PAM: variants seen among roughly 807,000 people sequenced by gnomAD.
PAM encodes peptidylglycine alpha-amidating monooxygenase, also known as peptidyl-glycine alpha-amidating monooxygenase.
In PAM, 72 loss-of-function variants were observed where a neutral mutation model predicts 122.1. The ratio of observed to expected loss-of-function variants is 0.59; its 90% CI spans 0.49 to 0.72. PAM has a LOEUF of 0.72. Ranked by LOEUF, PAM falls within the 30% of genes least tolerant of loss-of-function variation. The pLI is 0.00. For missense variants in PAM, 1,106 were observed against 1,183.7 expected (o/e 0.93, Z 0.96); for synonymous variants, 389 against 404.4 (o/e 0.96, Z 0.46).
At chr5:102,867,433 A>C (rs1785965575) in intron 3 of PAM, 40 bp downstream of exon 3, 1 of 1,493,838 alleles carries the variant, frequency 6.7e-7, no homozygotes, top group Admixed American at 1.7e-5. Context: ...CTTGTTCTGG[A>C]TACAATCTAT....
intron 1 of PAM, among the ~76,000 whole-genome samples, chr5:102,768,065 T>TC (rs942963520): frequency 2.0e-5 from 3 of 152,150 alleles, no homozygotes; most frequent in Non-Finnish European, 2.9e-5. Context: ...AAGCACTCAG[T>TC]CTACTACTGT....
At chr5:103,022,163 T>TA (rs917712870) in intron 23 of PAM, among the ~76,000 whole-genome samples, 1 of 121,090 alleles carries the variant, frequency 8.3e-6, no homozygotes, top group African/African-American at 3.2e-5. Context: ...TTTTAAAAAA[T>TA]AAAAAAACCT....
chr5:102,965,024 A>G lies in PAM; in HGVS notation c.1162+3795A>G, dbSNP rs569772230. Among the ~76,000 whole-genome samples, 143 of 152,032 alleles carry G rather than the reference A, an allele frequency of 9.4e-4. 1 individual carries two copies. Among genetic ancestry groups the G allele is most frequent in the African/African-American group, 3.1e-3 (130 of 41,540 alleles). On this transcript the variant is annotated intron_variant, in intron 14 of 25. Transcript: ENST00000438793. ...GTCACCGTCCTTCAAAGACATTGTG[A>G]GTGAAGAATTACCTATATATGTAAT...
At chr5:102,783,914 T>G (rs1050405100) in intron 1 of PAM, among the ~76,000 whole-genome samples, 1 of 151,964 alleles carries the variant, frequency 6.6e-6, no homozygotes, top group Non-Finnish European at 1.5e-5. Flanking sequence ...TTTTTTTTTT[T>G]GAGGTGGAGT....
At chr5:102,827,980 TG>T (rs1317661572) in intron 1 of PAM, among the ~76,000 whole-genome samples, 2 of 152,208 alleles carry the variant, frequency 1.3e-5, no homozygotes, top group Non-Finnish European at 2.9e-5. Context: ...CAAATATTAA[TG>T]TAGTATAAAG....
rs750638650 is a variant in PAM, at chr5:102,949,618, G to A, written c.724+1G>A. On this transcript the variant is annotated splice_donor_variant, in intron 10 of 25. Coordinates refer to ENST00000438793, the MANE Select transcript of PAM (RefSeq NM_001177306.2). LOFTEE classifies it high-confidence loss of function. ...TATAGAGTTCACACTCACCATTTAG[G>A]TAAGAACTTTACATGTTAAATTATA... 2 of 1,321,982 alleles carry A rather than the reference G, an allele frequency of 1.5e-6. No homozygotes were observed. Among genetic ancestry groups the A allele is most frequent in the Non-Finnish European group, 2.2e-6 (2 of 915,494 alleles). The allele number at this position is 1,321,982 out of a possible 1,614,324, so 81.9% of individuals were successfully genotyped here. A position where few individuals can be genotyped will look rare whatever the true frequency, so the allele number is the denominator to read the frequency against.
intron 14 of PAM, among the ~76,000 whole-genome samples, chr5:102,970,229 A>G (rs1765401139): frequency 6.6e-6 from 1 of 152,220 alleles, no homozygotes; most frequent in Non-Finnish European, 1.5e-5. Flanking sequence ...AATATGGTAA[A>G]CACTAGGTGA....
chr5:103,005,060 CTT>C, intron 17 of PAM, 92 bp from the exon 18 acceptor site: 1 of 714,096 alleles, frequency 1.4e-6, no homozygotes, highest in South Asian at 1.6e-5. Flanking sequence ...CAATTTATAA[CTT>C]TGCATTGTCT....
intron 1 of PAM, among the ~76,000 whole-genome samples, chr5:102,790,015 AT>A (rs1761635683): frequency 6.6e-6 from 1 of 152,108 alleles, no homozygotes; most frequent in African/African-American, 2.4e-5. Context: ...ATTTGCCCAT[AT>A]TTAAAAAATA....
chr5:102,784,154 A>G lies in PAM; in HGVS notation c.-374+28806A>G, dbSNP rs570544075. On this transcript the variant is annotated intron_variant, in intron 1 of 25. Transcript: ENST00000438793. ...GTGATCCGCCCGCCTCAGACTCCCA[A>G]AGTGCTGGGATTACAGGCGTGAGCC... is the stretch of plus-strand genomic sequence containing the variant. Among the ~76,000 whole-genome samples the G allele has an allele frequency of 4.0e-5, 6 of 151,246 alleles. No homozygotes were observed. In the South Asian group the frequency reaches 1.3e-3, roughly 32 times the overall value.
At chr5:102,909,610 A>G (rs1483268582) in intron 4 of PAM, among the ~76,000 whole-genome samples, 1 of 151,796 alleles carries the variant, frequency 6.6e-6, no homozygotes, top group African/African-American at 2.4e-5. Flanking sequence ...AGATTTGACC[A>G]AGATGTTGAT....
intron 1 of PAM, among the ~76,000 whole-genome samples, chr5:102,825,722 C>A (rs1407422836): frequency 6.6e-6 from 1 of 152,132 alleles, no homozygotes; most frequent in African/African-American, 2.4e-5. Flanking sequence ...GTGGCATGTG[C>A]CTCTAGTCTA....
intron 4 of PAM, among the ~76,000 whole-genome samples, chr5:102,904,883 T>G (rs1198347750): frequency 6.6e-6 from 1 of 151,614 alleles, no homozygotes; most frequent in Non-Finnish European, 1.5e-5. Context: ...ACTTCTAAAT[T>G]TTGAGCAAAT....
At chr5:102,988,716 AAAAG>A (rs71620673) in intron 15 of PAM, among the ~76,000 whole-genome samples, 1 of 146,396 alleles carries the variant, frequency 6.8e-6, no homozygotes, top group African/African-American at 2.6e-5. Context: ...AGAAAGAAAG[AAAAG>A]AAAAAAGGGA....
intron 1 of PAM, among the ~76,000 whole-genome samples, chr5:102,823,699 A>G (rs1034889498): frequency 3.3e-5 from 5 of 152,236 alleles, no homozygotes; most frequent in Admixed American, 1.3e-4. Context: ...GCATTAAGAA[A>G]GAAACTGAAA....
intron 16 of PAM, among the ~76,000 whole-genome samples, chr5:102,999,108 C>G (rs957881898): frequency 1.3e-5 from 2 of 152,216 alleles, no homozygotes; most frequent in African/African-American, 4.8e-5. Flanking sequence ...AACCTGCTGA[C>G]TATCAGAAAA....
chr5:102,907,657 T>C (rs1264620238), intron 4 of PAM, among the ~76,000 whole-genome samples: 1 of 151,346 alleles, frequency 6.6e-6, no homozygotes, highest in East Asian at 2.0e-4. Context: ...TTTTAATGAT[T>C]GCCATTCTAA....
chr5:102,932,362 C>T (rs906227380), intron 7 of PAM, among the ~76,000 whole-genome samples: 32 of 151,946 alleles, frequency 2.1e-4, no homozygotes, highest in Non-Finnish European at 7.4e-5. Flanking sequence ...GTGGTGTGTG[C>T]CTGTAATCCC....
At chr5:102,914,108 A>G in intron 5 of PAM, 87 bp downstream of exon 5, 1 of 740,168 alleles carries the variant, frequency 1.4e-6, no homozygotes. Flanking sequence ...TTTTACAACT[A>G]GTTAATAAAT....
Sources: allele counts gnomAD v4.1 joint callset (sites outside exome capture counted in the v4.1 genomes callset), GRCh38; gene constraint gnomAD v4.1.1; transcripts MANE v1.5; gene names NCBI Gene and HGNC (gene_info 2026-07-23, HGNC 2026-07-21).